The following BUD31 variants were observed in gnomAD, a reference collection of about 807,000 sequenced individuals.
BUD31 encodes protein BUD31 homolog.
A neutral mutation model predicts 17.9 loss-of-function variants in BUD31; 9 were observed. That is an observed-to-expected ratio of 0.50 (90% CI 0.30 to 0.88). The LOEUF (loss-of-function observed/expected upper bound fraction) is 0.88, where lower values mean the gene tolerates loss of function less well. Ranked by LOEUF, BUD31 falls within the 40% of genes least tolerant of loss-of-function variation. The pLI is 0.06. For missense variants in BUD31, 148 were observed against 184.5 expected, an observed-to-expected ratio of 0.80 and a Z score of 1.15; for synonymous variants, 70 against 64.7, an observed-to-expected ratio of 1.08 and a Z score of -0.39.
At chr7:99,410,365 C>T (rs561539212) in intron 2 of BUD31, among the ~76,000 whole-genome samples, 196 bp downstream of exon 2, 1 of 138,174 alleles carries the variant, frequency 7.2e-6, no homozygotes, top group South Asian at 2.9e-4. Flanking sequence ...ACCACAGGCA[C>T]CCACCACCAT....
intron 3 of BUD31, chr7:99,411,716 A>AT: frequency 2.2e-6 from 1 of 455,580 alleles, no homozygotes; most frequent in Non-Finnish European, 4.4e-6. Flanking sequence ...TTTTATTTTT[A>AT]TTTTTTGAGT....
chr7:99,419,275 G>T, intron 5 of BUD31, 116 bp from the exon 6 acceptor site: 2 of 1,288,272 alleles, frequency 1.6e-6, no homozygotes, highest in South Asian at 2.5e-5. Context: ...GGGTTTCTGA[G>T]GTGTGTCCCT....
intron 3 of BUD31, among the ~76,000 whole-genome samples, chr7:99,412,778 A>ATTT (rs36101411): frequency 5.9e-4 from 81 of 138,442 alleles, no homozygotes; most frequent in African/African-American, 1.8e-3. Flanking sequence ...TGCCCAGCTA[A>ATTT]TTTTTTTTTT....
rs749578395 is a variant in BUD31, at chr7:99,409,165, G to A, written c.-246G>A. On this transcript the variant is annotated 5_prime_UTR_variant, in exon 1 of 6. Coordinates refer to ENST00000222969, the MANE Select transcript of BUD31 (RefSeq NM_003910.4). The stretch of plus-strand genomic sequence containing the variant: ...TTGAGGCCGGAGAGAGCTCCCGAGA[G>A]GAGGCGGCGCCACGTTCGTTCTTCT... 2.6e-5 allele frequency: 4 copies of A among 152,350 alleles called. No homozygotes were observed. Among genetic ancestry groups the A allele is most frequent in the African/African-American group, 2.4e-5 (1 of 41,458 alleles). 9.4% of individuals were successfully genotyped at this position (152,350 alleles called of 1,614,324 possible). A position where few individuals can be genotyped will look rare whatever the true frequency, so the allele number is the denominator to read the frequency against.
intron 2 of BUD31, 64 bp from the exon 3 acceptor site, chr7:99,411,000 A>T (rs1584429826): frequency 9.0e-7 from 1 of 1,111,772 alleles, no homozygotes. Flanking sequence ...CTGTACCGAA[A>T]TAATGGCTGG....
At chr7:99,417,291 G>A in intron 4 of BUD31, 138 bp from the exon 5 acceptor site, 2 of 787,420 alleles carry the variant, frequency 2.5e-6, no homozygotes, top group Non-Finnish European at 4.2e-6. Context: ...GACCTCAGGT[G>A]ATCCGCCTGC....
intron 3 of BUD31, 44 bp downstream of exon 3, chr7:99,411,230 C>A: frequency 6.6e-7 from 1 of 1,512,928 alleles, no homozygotes; most frequent in Non-Finnish European, 9.2e-7. Flanking sequence ...GTCCAAGGGT[C>A]ACAGGCTTAG....
intron 4 of BUD31, 139 bp downstream of exon 4, chr7:99,416,399 G>T: frequency 2.7e-6 from 3 of 1,115,112 alleles, no homozygotes; most frequent in Admixed American, 2.3e-5. Flanking sequence ...AACGTTGGCT[G>T]AGTTTTGTGT....
At chr7:99,415,070 G>A (rs1312696335) in intron 3 of BUD31, 1 of 367,240 alleles carries the variant, frequency 2.7e-6, no homozygotes, top group Non-Finnish European at 5.3e-6. Context: ...CACAGGGTCG[G>A]TGGGTTTCTC....
chr7:99,417,701 C>A, intron 5 of BUD31, 106 bp downstream of exon 5: 1 of 1,548,312 alleles, frequency 6.5e-7, no homozygotes, highest in South Asian at 1.2e-5. Flanking sequence ...GTCGTTTTGT[C>A]CCTGGATGTC....
At chr7:99,414,001 G>A (rs144781235) in intron 3 of BUD31, among the ~76,000 whole-genome samples, 22 of 152,284 alleles carry the variant, frequency 1.4e-4, no homozygotes, top group African/African-American at 5.1e-4. Flanking sequence ...ATGTGCCAAC[G>A]TTGTGACAAG....
At chr7:99,416,412 GTGTTTGTTTTTTGTT>G in intron 4 of BUD31, 152 bp downstream of exon 4, 1 of 986,578 alleles carries the variant, frequency 1.0e-6, no homozygotes, top group Non-Finnish European at 1.5e-6. Flanking sequence ...TTTTGTGTGT[GTGTTTGTTTTTTGTT>G]TGTTTGTTTT....
At chr7:99,411,274 A>T in intron 3 of BUD31, 88 bp downstream of exon 3, 1 of 979,216 alleles carries the variant, frequency 1.0e-6, no homozygotes, top group Non-Finnish European at 1.6e-6. Context: ...ATGCAAATAT[A>T]AAAAGAGAGT....
intron 3 of BUD31, among the ~76,000 whole-genome samples, chr7:99,412,289 G>A (rs1487882603): frequency 1.3e-5 from 2 of 152,206 alleles, no homozygotes; most frequent in Admixed American, 6.5e-5. Flanking sequence ...ATGGGAGCAT[G>A]CTGGAATAGA....
intron 3 of BUD31, among the ~76,000 whole-genome samples, chr7:99,413,852 A>G (rs966142246): frequency 9.2e-5 from 14 of 152,230 alleles, no homozygotes; most frequent in African/African-American, 3.1e-4. Context: ...TCGGCCTCCA[A>G]AAGTGCTGGG....
At chr7:99,412,363 A>G (rs909122449) in intron 3 of BUD31, among the ~76,000 whole-genome samples, 30 of 152,236 alleles carry the variant, frequency 2.0e-4, no homozygotes, top group Non-Finnish European at 3.5e-4. Flanking sequence ...TTTTGAGGGA[A>G]GGAGGAACCC....
chr7:99,415,494 T>G (rs934120090), intron 3 of BUD31, among the ~76,000 whole-genome samples: 2 of 152,034 alleles, frequency 1.3e-5, no homozygotes, highest in African/African-American at 4.8e-5. Context: ...GGGAGATAGT[T>G]AGGCCTCTGG....
chr7:99,416,121 T>A lies in BUD31; in HGVS notation c.95-17T>A, dbSNP rs775765917. On this transcript the variant is annotated splice_polypyrimidine_tract_variant and intron_variant, in intron 3 of 5. Coordinates refer to ENST00000222969, the MANE Select transcript of BUD31 (RefSeq NM_003910.4). ...ACCGACCCTATTCCCCCAAACACAC[T>A]CTTTGTTTCTCCCCAGCTGAAACAG... is the stretch of plus-strand genomic sequence containing the variant. 1.2e-6 allele frequency: 2 copies of A among 1,612,332 alleles called. No homozygotes were observed. The highest frequency in any genetic ancestry group is 1.7e-6 in the Non-Finnish European group (2 of 1,178,768).
At chr7:99,411,896 G>A in intron 3 of BUD31, 1 of 336,446 alleles carries the variant, frequency 3.0e-6, no homozygotes, top group East Asian at 9.1e-5. Context: ...TAGTAGAGAT[G>A]GGTTTCTCCA....
Sources: allele counts gnomAD v4.1 joint callset (sites outside exome capture counted in the v4.1 genomes callset), GRCh38; gene constraint gnomAD v4.1.1; transcripts MANE v1.5; gene names NCBI Gene and HGNC (gene_info 2026-07-23, HGNC 2026-07-21).